Variants in DNM3 observed in about 807,000 individuals in gnomAD.
The protein encoded by DNM3 is dynamin-3.
In DNM3, 47 loss-of-function variants were observed where a neutral mutation model predicts 101.6. The ratio of observed to expected loss-of-function variants is 0.46; its 90% confidence interval spans 0.37 to 0.59. The LOEUF is 0.59. Among genes scored for constraint, DNM3 ranks in the 20% least tolerant of loss-of-function variants. The probability of loss-of-function intolerance (pLI) is 0.00; values close to 1 mark genes in which losing one functional copy is unlikely to be tolerated. For synonymous variants in DNM3, 385 were observed against 387.9 expected, an observed-to-expected ratio of 0.99 and a Z score of 0.09; for missense variants, 849 against 1,085.7, an observed-to-expected ratio of 0.78 and a Z score of 3.06.
chr1:172,386,839 T>C (rs1020336586), intron 18 of DNM3: 21 of 345,804 alleles, frequency 6.1e-5, no homozygotes, highest in African/African-American at 4.4e-4. Context: ...TGTGAAATGC[T>C]CACAAAGCCA....
intron 14 of DNM3, among the ~76,000 whole-genome samples, chr1:172,162,363 A>G (rs539279269): frequency 1.3e-5 from 2 of 152,200 alleles, no homozygotes; most frequent in East Asian, 1.9e-4. Flanking sequence ...GGGTCAAATC[A>G]TACACATAAG....
chr1:172,104,452 C>T (rs1469245699), intron 13 of DNM3, among the ~76,000 whole-genome samples: 2 of 151,844 alleles, frequency 1.3e-5, no homozygotes, highest in African/African-American at 4.8e-5. Context: ...GCTTATTGAC[C>T]ACTAGTATCT....
At chr1:172,258,285 T>C (rs2062500869) in intron 15 of DNM3, among the ~76,000 whole-genome samples, 1 of 152,154 alleles carries the variant, frequency 6.6e-6, no homozygotes, top group Non-Finnish European at 1.5e-5. Flanking sequence ...TTTCCTTTTC[T>C]TTGACTGAAT....
At chr1:172,219,524 C>G (rs2148557783) in intron 14 of DNM3, among the ~76,000 whole-genome samples, 1 of 152,022 alleles carries the variant, frequency 6.6e-6, no homozygotes, top group East Asian at 1.9e-4. Flanking sequence ...CTACTATTTT[C>G]CAGCTAAGAG....
chr1:171,959,070 C>T (rs944837261), intron 2 of DNM3, among the ~76,000 whole-genome samples: 1 of 151,806 alleles, frequency 6.6e-6, no homozygotes, highest in Non-Finnish European at 1.5e-5. Context: ...GTTAGAGATG[C>T]ACAGGTATGT....
At chr1:172,110,094 C>A (rs2055352854) in intron 13 of DNM3, among the ~76,000 whole-genome samples, 1 of 152,182 alleles carries the variant, frequency 6.6e-6, no homozygotes, top group South Asian at 2.1e-4. Context: ...AGATAAAGTT[C>A]TAACATTCAT....
intron 4 of DNM3, among the ~76,000 whole-genome samples, chr1:172,004,577 A>T (rs2046555530): frequency 6.6e-6 from 1 of 151,958 alleles, no homozygotes; most frequent in African/African-American, 2.4e-5. Context: ...AGACAGCAAC[A>T]AGGGGGAATA....
chr1:171,910,967 T>C (rs1201331575), intron 1 of DNM3, among the ~76,000 whole-genome samples: 1 of 152,166 alleles, frequency 6.6e-6, no homozygotes, highest in Non-Finnish European at 1.5e-5. Flanking sequence ...AAAGAGGCAT[T>C]AGACAAAGGC....
chr1:172,344,896 A>T (rs983995155), intron 17 of DNM3, among the ~76,000 whole-genome samples: 4 of 152,230 alleles, frequency 2.6e-5, no homozygotes, highest in African/African-American at 9.6e-5. Flanking sequence ...ACATGTGCTC[A>T]CAAAAAAAAT....
At chr1:172,140,741 A>G (rs1423387501) in intron 14 of DNM3, 1 of 152,040 alleles carries the variant, frequency 6.6e-6, no homozygotes, top group Non-Finnish European at 1.5e-5. Flanking sequence ...GCTGAAAACA[A>G]TTGTTCTATT....
At chr1:172,336,799 T>C (rs1026709931) in intron 17 of DNM3, among the ~76,000 whole-genome samples, 2 of 152,072 alleles carry the variant, frequency 1.3e-5, no homozygotes, top group Non-Finnish European at 2.9e-5. Flanking sequence ...TGCAGAGTTT[T>C]AAAGTGCCAG....
intron 4 of DNM3, among the ~76,000 whole-genome samples, chr1:172,025,385 C>T (rs920958878): frequency 2.0e-5 from 3 of 152,220 alleles, no homozygotes; most frequent in Admixed American, 6.5e-5. Flanking sequence ...CTTCAGCAGA[C>T]TTAAATGTTC....
At chr1:171,868,644 CT>C (rs1211169930) in intron 1 of DNM3, among the ~76,000 whole-genome samples, 1 of 152,166 alleles carries the variant, frequency 6.6e-6, no homozygotes, top group Admixed American at 6.5e-5. Context: ...AAGTTAGTAC[CT>C]TCTGGCAACT....
intron 14 of DNM3, among the ~76,000 whole-genome samples, chr1:172,231,089 C>T (rs1187774508): frequency 2.6e-5 from 4 of 151,754 alleles, no homozygotes; most frequent in Admixed American, 2.0e-4. Flanking sequence ...ATAGTTATGT[C>T]TCCAACTCTG....
chr1:172,022,118 G>A (rs1020976709), intron 4 of DNM3, among the ~76,000 whole-genome samples: 1 of 152,110 alleles, frequency 6.6e-6, no homozygotes, highest in Non-Finnish European at 1.5e-5. Context: ...GGATTTGAAT[G>A]CCAGTTTCAT....
chr1:172,107,387 T>C (rs2055138656), intron 13 of DNM3, among the ~76,000 whole-genome samples: 1 of 144,182 alleles, frequency 6.9e-6, no homozygotes, highest in Non-Finnish European at 1.5e-5. Flanking sequence ...AGTTACTAAG[T>C]GGAATGTGGA....
intron 1 of DNM3, among the ~76,000 whole-genome samples, chr1:171,887,931 G>A (rs1436052193): frequency 6.6e-6 from 1 of 151,804 alleles, no homozygotes; most frequent in Non-Finnish European, 1.5e-5. Flanking sequence ...AATCCTTATA[G>A]GTGAAAATCT....
chr1:172,094,109 G>A (rs2054093927), intron 13 of DNM3, among the ~76,000 whole-genome samples: 1 of 151,990 alleles, frequency 6.6e-6, no homozygotes, highest in Non-Finnish European at 1.5e-5. Flanking sequence ...CCCCTTGTAT[G>A]GTAATATTTC....
chr1:172,107,160 G>A (rs1199615909), intron 13 of DNM3, among the ~76,000 whole-genome samples: 1 of 151,714 alleles, frequency 6.6e-6, no homozygotes, highest in African/African-American at 2.4e-5. Flanking sequence ...GCGCCCGGCC[G>A]GTAACATTAT....
Sources: gnomAD v4.1 joint callset for allele counts (sites outside exome capture counted in the v4.1 genomes callset) on GRCh38, gnomAD v4.1.1 for gene constraint, MANE v1.5 for transcripts, NCBI Gene and HGNC (gene_info 2026-07-23, HGNC 2026-07-21) for gene names.